MMP13: variants seen among roughly 807,000 people sequenced by gnomAD.
MMP13 encodes collagenase 3.
MMP13 carries 45 observed loss-of-function variants against 52.1 expected under a neutral mutation model. The ratio of observed to expected loss-of-function variants is 0.86; its 90% CI spans 0.68 to 1.11. The LOEUF is 1.11. Ranked by LOEUF, MMP13 falls within the 50% of genes least tolerant of loss-of-function variation. The pLI is 0.00. For synonymous variants in MMP13, 200 were observed against 204.4 expected (o/e 0.98, Z 0.18); for missense variants, 576 against 583.8 (o/e 0.99, Z 0.14).
rs773111941 is a variant in MMP13, at chr11:102,954,298, G to A, written c.512-17C>T. On this transcript the variant is annotated splice_polypyrimidine_tract_variant and intron_variant, in intron 3 of 9. Coordinates refer to ENST00000260302, the MANE Select transcript of MMP13 (RefSeq NM_002427.4). ...CGCCATGCTCTACACACAAAAGCAA[G>A]GGTTAGGAGTCTTATCACATCCAGG... is the stretch of plus-strand genomic sequence containing the variant. 1 of 1,613,600 alleles carries A rather than the reference G, an allele frequency of 6.2e-7. No individual in the cohort carries two copies. The highest frequency in any genetic ancestry group is 2.2e-5 in the East Asian group (1 of 44,874).
intron 8 of MMP13, among the ~76,000 whole-genome samples, chr11:102,946,779 T>A (rs1441258120): frequency 2.0e-5 from 3 of 152,204 alleles, no homozygotes; most frequent in Non-Finnish European, 4.4e-5. Flanking sequence ...ATGCGGTACC[T>A]GGTAGAAGCT....
In MMP13 at chr11:102,950,248, A is replaced by C. The variant is rs782380897; in HGVS notation, c.800-21T>G. 6 of 1,567,090 alleles carry C rather than the reference A, an allele frequency of 3.8e-6. No individual in the cohort carries two copies. In the East Asian group the frequency reaches 1.3e-4, roughly 35 times the overall value. On this transcript the variant is annotated intron_variant, in intron 5 of 9. Coordinates refer to ENST00000260302, the MANE Select transcript of MMP13 (RefSeq NM_002427.4). ...TGGACCTGTAGTCGTGAAAGGCAAGAGAGAAGTTATGAGTGTGACATTACT... is the reference window on the plus strand; with the variant it reads ...TGGACCTGTAGTCGTGAAAGGCAAGCGAGAAGTTATGAGTGTGACATTACT...
intron 4 of MMP13, 28 bp downstream of exon 4, chr11:102,954,128 T>A: frequency 6.2e-7 from 1 of 1,612,182 alleles, no homozygotes; most frequent in Non-Finnish European, 8.5e-7. Context: ...TAATAACACA[T>A]AAATGATATC....
chr11:102,946,365 T>C (rs781811747), intron 8 of MMP13, among the ~76,000 whole-genome samples: 3 of 152,170 alleles, frequency 2.0e-5, no homozygotes, highest in African/African-American at 7.2e-5. Flanking sequence ...CTACTGTTAC[T>C]GATGAGAGCT....
At chr11:102,951,933 G>T in intron 5 of MMP13, 79 bp downstream of exon 5, 1 of 1,448,648 alleles carries the variant, frequency 6.9e-7, no homozygotes, top group Non-Finnish European at 9.7e-7. Flanking sequence ...TATGCAGCAT[G>T]ACTGCAATTT....
At chr11:102,947,429 AG>A (rs1860528269) in intron 8 of MMP13, among the ~76,000 whole-genome samples, 1 of 152,094 alleles carries the variant, frequency 6.6e-6, no homozygotes, top group Non-Finnish European at 1.5e-5. Context: ...AGTTGGGTGT[AG>A]TGGCACATGC....
chr11:102,946,480 T>G (rs1384645730), intron 8 of MMP13, among the ~76,000 whole-genome samples: 1 of 152,102 alleles, frequency 6.6e-6, no homozygotes. Context: ...CGCCAGGCAA[T>G]AGAAGTCAAG....
Position 102,948,783 on chromosome 11 carries a change from A to G in MMP13, c.1051+242T>C, listed in dbSNP as rs75761569. Among the ~76,000 whole-genome samples, 1,444 of 152,330 alleles carry G rather than the reference A, an allele frequency of 9.5e-3. 25 individuals carry two copies. The highest frequency in any genetic ancestry group is 0.033 in the African/African-American group (1,367 of 41,570). On this transcript the variant is annotated intron_variant, in intron 7 of 9. Transcript: ENST00000260302. ...TAAGCAGAACTAAGAGAAAAAACTG[A>G]CATGATTCATATGAAAGAAAGAGTG...
intron 8 of MMP13, among the ~76,000 whole-genome samples, chr11:102,947,369 G>A (rs1565253462): frequency 6.6e-6 from 1 of 152,250 alleles, no homozygotes; most frequent in East Asian, 1.9e-4. Context: ...TGGAAGCCAG[G>A]AGCCTGACCA....
chr11:102,947,914 C>A lies in MMP13; in HGVS notation c.1188G>T (p.Leu396=), dbSNP rs781814046. 6.2e-7 allele frequency: 1 copy of A among 1,613,932 alleles called. No homozygotes were observed. The highest frequency in any genetic ancestry group is 2.2e-5 in the East Asian group (1 of 44,878). The change falls in exon 8 of 10, where the codon CTG becomes CTT. Residue 396 remains leucine, a synonymous_variant. Transcript: ENST00000260302. ...ACCTCCAGACCTGGTTTCCTGAGAA[C>A]AGGAGAGTCTTGCCTGTATCCTCAA... ...VHFEDTGKTL[L]FSGNQVWRYD...
chr11:102,950,761 A>G (rs1352060633), intron 5 of MMP13, among the ~76,000 whole-genome samples: 1 of 152,126 alleles, frequency 6.6e-6, no homozygotes, highest in Non-Finnish European at 1.5e-5. Flanking sequence ...TAAATTTCCA[A>G]CCGTCTCCCA....
Position 102,952,058 on chromosome 11 carries a change from G to T in MMP13, c.753C>A (p.His251Gln). ...FPIYTYTGKS[H>Q]FMLPDDDVQG... ...GTACATCGTCATCAGGAAGCATAAA[G>T]TGGCTTTTGCCGGTGTAGGTGTAGA... is the stretch of plus-strand genomic sequence containing the variant. The change falls in exon 5 of 10, where the codon CAC (histidine) becomes CAA (glutamine). Residue 251 changes from histidine to glutamine, a missense_variant. By Grantham distance (24) the His-to-Gln change is conservative. Transcript: ENST00000260302. The surrounding 1 kb of genome is among the most constrained non-coding windows in gnomAD (Gnocchi z 4.3). The T allele has an allele frequency of 2.5e-6, 4 of 1,613,418 alleles. No individual in the cohort carries two copies. Among genetic ancestry groups the T allele is most frequent in the Middle Eastern group, 1.7e-4 (1 of 6,056 alleles).
intron 2 of MMP13, 75 bp from the exon 3 acceptor site, chr11:102,954,681 T>G (rs555434088): frequency 4.8e-5 from 65 of 1,347,072 alleles, no homozygotes; most frequent in Non-Finnish European, 2.6e-5. Context: ...CTTGGTATAT[T>G]GCTTTTCAAT....
Position 102,949,062 on chromosome 11 carries a change from A to G in MMP13, c.1014T>C (p.Tyr338=). The change falls in exon 7 of 10, where the codon TAT becomes TAC. Residue 338 remains tyrosine (Y), a synonymous_variant. Transcript: ENST00000260302. This position sits in a 1 kb window ranked among gnomAD's most constrained non-coding sequence, Gnocchi z 4.2. ...PELPNRIDAA[Y]EHPSHDLIFI... is the part of the protein sequence containing the mutation. The stretch of plus-strand genomic sequence containing the variant: ...AGATGAGGTCATGAGAAGGGTGCTC[A>G]TATGCAGCATCAATACGGTTGGGAA... 1 of 1,613,928 alleles carries G rather than the reference A, an allele frequency of 6.2e-7. No individual in the cohort carries two copies. Among genetic ancestry groups the G allele is most frequent in the Non-Finnish European group, 8.5e-7 (1 of 1,179,844 alleles).
At chr11:102,954,733 A>G in intron 2 of MMP13, 127 bp from the exon 3 acceptor site, 1 of 923,046 alleles carries the variant, frequency 1.1e-6, no homozygotes, top group South Asian at 1.5e-5. Flanking sequence ...CTAGAGGTTT[A>G]TTGTTTCAAA....
intron 4 of MMP13, 94 bp downstream of exon 4, chr11:102,954,062 A>G (rs1244189743): frequency 7.2e-7 from 1 of 1,384,152 alleles, no homozygotes; most frequent in African/African-American, 1.4e-5. Context: ...TCAAATACCA[A>G]ATATATTTAA....
intron 2 of MMP13, 111 bp from the exon 3 acceptor site, chr11:102,954,717 G>T (rs17860528): frequency 9.5e-7 from 1 of 1,057,806 alleles, no homozygotes; most frequent in Non-Finnish European, 1.4e-6. Context: ...TTCTTTGAAA[G>T]TTCTACTAGA....
Position 102,943,303 on chromosome 11 carries a change from A to G in MMP13, c.*963T>C, listed in dbSNP as rs1193175354. ...TTTGGATGTCTCTTTTTTAATATAC[A>G]TACTTCCACTTTATAAGATATATTT... On this transcript the variant is annotated 3_prime_UTR_variant, in exon 10 of 10. Coordinates refer to ENST00000260302, the MANE Select transcript of MMP13 (RefSeq NM_002427.4). The G allele has an allele frequency of 3.9e-5, 6 of 152,220 alleles. No homozygotes were observed. The highest frequency in any genetic ancestry group is 2.1e-4 in the South Asian group (1 of 4,828). The allele number at this position is 152,220 out of a possible 1,614,324, so 9.4% of individuals were successfully genotyped here.
chr11:102,955,020 CTTT>C lies in MMP13; in HGVS notation c.362+229_362+231del, dbSNP rs1424995768. Among the ~76,000 whole-genome samples the C allele has an allele frequency of 6.6e-6, 1 of 152,146 alleles. No homozygotes were observed. Among genetic ancestry groups the C allele is most frequent in the Non-Finnish European group, 1.5e-5 (1 of 68,020 alleles). ...ATGTTTGCAAATTTTCTTTAACCTA[CTTT>C]TATTTCTCTTTTGATTTCATCTCTA... On this transcript the variant is annotated intron_variant, in intron 2 of 9. Coordinates refer to ENST00000260302, the MANE Select transcript of MMP13 (RefSeq NM_002427.4). This position sits in a 1 kb window ranked among gnomAD's most constrained non-coding sequence, Gnocchi z 4.9.
Sources: gnomAD v4.1 joint callset for allele counts (sites outside exome capture counted in the v4.1 genomes callset) on GRCh38, gnomAD v4.1.1 for gene constraint, Gnocchi (gnomAD v3.1) non-coding constraint, MANE v1.5 for transcripts, NCBI Gene and HGNC (gene_info 2026-07-23, HGNC 2026-07-21) for gene names.